The following SLC14A2 variants were observed in gnomAD, a reference collection of about 807,000 sequenced individuals.
The protein encoded by SLC14A2 is solute carrier family 14 member 2.
SLC14A2 carries 91 observed loss-of-function variants against 104.6 expected under a neutral mutation model. That is an observed-to-expected ratio of 0.87 (90% confidence interval 0.73 to 1.04). SLC14A2 has a LOEUF of 1.04. Ranked by LOEUF, SLC14A2 falls within the 50% of genes least tolerant of loss-of-function variation. SLC14A2 has a pLI of 0.00. For synonymous variants in SLC14A2, 476 were observed against 466.4 expected (o/e 1.02, Z -0.27); for missense variants, 1,189 against 1,156.0 (o/e 1.03, Z -0.41).
intron 1 of SLC14A2, among the ~76,000 whole-genome samples, chr18:45,302,133 G>A (rs905315366): frequency 6.6e-6 from 1 of 152,184 alleles, no homozygotes; most frequent in African/African-American, 2.4e-5. Flanking sequence ...CCTCAAAGAG[G>A]AAGAGGCCAT....
chr18:45,284,246 G>A (rs2084791321), intron 1 of SLC14A2, among the ~76,000 whole-genome samples: 1 of 152,116 alleles, frequency 6.6e-6, no homozygotes, highest in Non-Finnish European at 1.5e-5. Flanking sequence ...ACCAGTCCTT[G>A]TATTCTCCTT....
the SLC14A2 span, among the ~76,000 whole-genome samples, chr18:45,174,691 C>T: frequency 6.6e-6 from 1 of 152,104 alleles, no homozygotes; most frequent in Non-Finnish European, 1.5e-5. Context: ...TGACCAAAAA[C>T]ACAAGAATTG....
intron 2 of SLC14A2, among the ~76,000 whole-genome samples, chr18:45,512,780 G>A (rs1442351437): frequency 6.6e-6 from 1 of 152,198 alleles, no homozygotes; most frequent in African/African-American, 2.4e-5. Context: ...CTGTCTTAGA[G>A]GATGAGATCA....
At chr18:45,215,167 G>A (rs892964732) in intron 1 of SLC14A2, among the ~76,000 whole-genome samples, 1 of 152,146 alleles carries the variant, frequency 6.6e-6, no homozygotes, top group Non-Finnish European at 1.5e-5. Flanking sequence ...GGAAAAAAAT[G>A]CCTGTATCTT....
intron 10 of SLC14A2, among the ~76,000 whole-genome samples, chr18:45,645,890 T>A (rs577429425): frequency 1.1e-4 from 16 of 152,222 alleles, no homozygotes; most frequent in African/African-American, 3.6e-4. Flanking sequence ...TACTAATGCT[T>A]ACAAACTGGT....
At chr18:45,432,039 G>A (rs1225864124) in intron 1 of SLC14A2, among the ~76,000 whole-genome samples, 1 of 152,166 alleles carries the variant, frequency 6.6e-6, no homozygotes, top group Admixed American at 6.5e-5. Context: ...TGAAAACTGA[G>A]CGCAGGGCTT....
intron 1 of SLC14A2, among the ~76,000 whole-genome samples, chr18:45,397,644 GCT>G (rs1174555555): frequency 6.6e-6 from 1 of 152,008 alleles, no homozygotes; most frequent in African/African-American, 2.4e-5. Flanking sequence ...AGTTTCTTTG[GCT>G]GTGCAGAAGC....
At position 45,639,766 on chromosome 18, in the gene SLC14A2, T is replaced by TG; in HGVS notation, c.868dup (p.Val290GlyfsTer8). On this transcript the variant is annotated frameshift_variant, in exon 7 of 20. Coordinates refer to ENST00000255226, the MANE Select transcript of SLC14A2 (RefSeq NM_007163.4). LOFTEE classifies it high-confidence loss of function. ...TGCAGCTGTTACAAGCCATCCCTGT[T>TG]GGGGTCGGCCAGGTGTATGGCTGTG... 6.2e-7 allele frequency: 1 copy of TG among 1,613,936 alleles called. No homozygotes were observed. The highest frequency in any genetic ancestry group is 8.5e-7 in the Non-Finnish European group (1 of 1,179,978).
chr18:45,506,907 G>A (rs554370794), intron 2 of SLC14A2, among the ~76,000 whole-genome samples: 3 of 152,178 alleles, frequency 2.0e-5, no homozygotes, highest in Admixed American at 1.3e-4. Flanking sequence ...TAAAGTGAGA[G>A]GACCTGACTT....
chr18:45,629,841 G>C (rs2144519234), intron 4 of SLC14A2, among the ~76,000 whole-genome samples: 2 of 152,248 alleles, frequency 1.3e-5, no homozygotes, highest in Middle Eastern at 6.8e-3. Flanking sequence ...CCTCAGCTTG[G>C]CTCCCCAAGT....
chr18:45,613,244 G>C (rs1447295577), upstream of SLC14A2, among the ~76,000 whole-genome samples: 2 of 152,010 alleles, frequency 1.3e-5, no homozygotes, highest in Non-Finnish European at 2.9e-5. Context: ...CCGTGGTCTT[G>C]ATCTCCTGAC....
intron 1 of SLC14A2, among the ~76,000 whole-genome samples, chr18:45,248,071 T>C (rs2084384642): frequency 6.6e-6 from 1 of 152,118 alleles, no homozygotes; most frequent in Non-Finnish European, 1.5e-5. Context: ...TGAGAGTATA[T>C]GTCAATAATC....
At position 45,668,384 on chromosome 18, in the gene SLC14A2, G is replaced by C; in HGVS notation, c.1943G>C (p.Gly648Ala). Residue 648 changes from glycine to alanine, a missense_variant, in exon 15 of 20, where the codon GGG becomes GCG. Physicochemically the swap from Gly to Ala is moderately conservative, Grantham distance 60. Transcript: ENST00000255226. ...AIAAGFHGYNGVLVGLLMAVF... is the reference protein window; with the variant it reads ...AIAAGFHGYNAVLVGLLMAVF... ...GCTGCAGGATTTCACGGCTACAATG[G>C]GGTGCTGGTGGGGCTGCTGATGGCC... 1 of 1,614,134 alleles carries C rather than the reference G, an allele frequency of 6.2e-7. No homozygotes were observed. Among genetic ancestry groups the C allele is most frequent in the South Asian group, 1.1e-5 (1 of 91,082 alleles).
chr18:45,356,135 C>T (rs1282606941), intron 1 of SLC14A2, among the ~76,000 whole-genome samples: 2 of 152,144 alleles, frequency 1.3e-5, no homozygotes, highest in East Asian at 3.8e-4. Flanking sequence ...CAAAACTTCA[C>T]TCAGTGTAGT....
intron 2 of SLC14A2, among the ~76,000 whole-genome samples, chr18:45,608,967 G>C (rs1027469368): frequency 1.2e-4 from 18 of 152,190 alleles, no homozygotes; most frequent in Admixed American, 3.9e-4. Flanking sequence ...TGGTTTGCCA[G>C]GAGCCACAGG....
At chr18:45,204,014 T>G in the SLC14A2 span, among the ~76,000 whole-genome samples, 1 of 152,186 alleles carries the variant, frequency 6.6e-6, no homozygotes, top group African/African-American at 2.4e-5. Flanking sequence ...TTTTTTTCTG[T>G]AGGGGTTGGG....
chr18:45,650,304 G>A (rs900117955), intron 10 of SLC14A2, among the ~76,000 whole-genome samples: 5 of 151,990 alleles, frequency 3.3e-5, no homozygotes, highest in African/African-American at 1.2e-4. Context: ...TAAAATAGAA[G>A]ATCCATGTGT....
intron 2 of SLC14A2, among the ~76,000 whole-genome samples, chr18:45,583,991 T>A (rs1046243573): frequency 6.6e-6 from 1 of 152,250 alleles, no homozygotes; most frequent in African/African-American, 2.4e-5. Context: ...TTTAGCCCAA[T>A]AGACCCAAAA....
At chr18:45,481,252 A>G (rs892076590) in intron 1 of SLC14A2, among the ~76,000 whole-genome samples, 14 of 151,856 alleles carry the variant, frequency 9.2e-5, no homozygotes, top group Non-Finnish European at 7.4e-5. Flanking sequence ...TCTGGCCAAT[A>G]ATGCACCAGT....
Sources: allele counts gnomAD v4.1 joint callset (sites outside exome capture counted in the v4.1 genomes callset), GRCh38; gene constraint gnomAD v4.1.1; transcripts MANE v1.5; gene names NCBI Gene and HGNC (gene_info 2026-07-23, HGNC 2026-07-21).